KCNIP4: variants seen among roughly 807,000 people sequenced by gnomAD.
KCNIP4 encodes the protein Kv channel-interacting protein 4.
In KCNIP4, 12 loss-of-function variants were observed where a neutral mutation model predicts 34.0. The observed-to-expected ratio is 0.35, with a 90% CI of 0.23 to 0.57. KCNIP4 has a LOEUF of 0.57. KCNIP4 is among the 20% of genes least tolerant of loss of function. The pLI, the probability that KCNIP4 is intolerant of heterozygous loss-of-function variation, is 0.83. For missense variants in KCNIP4, 238 were observed against 311.7 expected (o/e 0.76, Z 1.78); for synonymous variants, 124 against 102.2 (o/e 1.21, Z -1.29).
In KCNIP4 at chr4:20,992,410, G is replaced by A. The variant is rs188793020; in HGVS notation, c.62-109701C>T. Among the ~76,000 whole-genome samples, 765 of 152,190 alleles carry A rather than the reference G, an allele frequency of 5.0e-3. 4 individuals carry two copies. The highest frequency in any genetic ancestry group is 9.2e-3 in the Admixed American group (141 of 15,282). On this transcript the variant is annotated intron_variant, in intron 1 of 8. Coordinates refer to ENST00000382152, the MANE Select transcript of KCNIP4 (RefSeq NM_025221.6). ...GATCCAATTACCTCCACCTGGTCCCGCCCTTGACATGTGGGGATTATGGAA... is the reference window on the plus strand; with the variant it reads ...GATCCAATTACCTCCACCTGGTCCCACCCTTGACATGTGGGGATTATGGAA...
chr4:21,178,121 T>C (rs973744505), intron 1 of KCNIP4, among the ~76,000 whole-genome samples: 11 of 152,154 alleles, frequency 7.2e-5, no homozygotes, highest in Non-Finnish European at 1.3e-4. Context: ...CACTATCATT[T>C]CTATCTTCAT....
At chr4:21,216,708 C>T (rs572938598) in intron 1 of KCNIP4, among the ~76,000 whole-genome samples, 5 of 152,254 alleles carry the variant, frequency 3.3e-5, no homozygotes, top group African/African-American at 1.2e-4. Context: ...CCAGAGGAGT[C>T]ACCATGCTAT....
At chr4:21,856,647 C>A (rs1363835259) in intron 1 of KCNIP4, among the ~76,000 whole-genome samples, 1 of 152,044 alleles carries the variant, frequency 6.6e-6, no homozygotes, top group Non-Finnish European at 1.5e-5. Flanking sequence ...CCTTCCCGGG[C>A]ACACCTACAG....
At chr4:21,009,797 T>C (rs1738910676) in intron 1 of KCNIP4, among the ~76,000 whole-genome samples, 1 of 152,232 alleles carries the variant, frequency 6.6e-6, no homozygotes, top group Non-Finnish European at 1.5e-5. Context: ...CAGGCACGCA[T>C]TCTGAAAAGA....
In KCNIP4 at chr4:20,731,729, T is replaced by C. The variant is rs565519221; in HGVS notation, c.705+277A>G. On this transcript the variant is annotated intron_variant, in intron 8 of 8. Coordinates refer to ENST00000382152, the MANE Select transcript of KCNIP4 (RefSeq NM_025221.6). ...AATCTCATGTATGTTTTATCCTCCA[T>C]GAATACTCTCTAAGGAATTTGGGAA... 9 of 985,406 alleles carry C rather than the reference T, an allele frequency of 9.1e-6. No individual in the cohort carries two copies. In the African/African-American group the frequency reaches 1.6e-4, roughly 17 times the overall value. 61.0% of individuals were successfully genotyped at this position (985,406 alleles called of 1,614,324 possible).
intron 1 of KCNIP4, among the ~76,000 whole-genome samples, chr4:21,031,347 C>T (rs547834336): frequency 1.3e-5 from 2 of 152,212 alleles, no homozygotes; most frequent in South Asian, 2.1e-4. Context: ...ATTTTTGTAC[C>T]CATTTTTGTG....
intron 3 of KCNIP4, among the ~76,000 whole-genome samples, chr4:20,824,356 T>A (rs2149448759): frequency 6.6e-6 from 1 of 152,326 alleles, no homozygotes; most frequent in South Asian, 2.1e-4. Flanking sequence ...TTAGCCTGGT[T>A]TAGAATGACA....
At position 21,878,024 on chromosome 4, in the gene KCNIP4, T is replaced by C. The variant is rs530587446; in HGVS notation, c.61+70547A>G. Among the ~76,000 whole-genome samples the C allele has an allele frequency of 3.3e-5, 5 of 152,250 alleles. 1 individual carries two copies. The South Asian group carries it at 1.0e-3, about 32-fold the overall frequency. On this transcript the variant is annotated intron_variant, in intron 1 of 8. Transcript: ENST00000382152. Reference sequence around the variant, plus strand: ...AGGCCCATGGAAACTTACACTTTTGTATGTGTGTGTTTTGGGTGTTTGTTT... The same window carrying C: ...AGGCCCATGGAAACTTACACTTTTGCATGTGTGTGTTTTGGGTGTTTGTTT...
chr4:20,955,303 C>T (rs1733184062), intron 1 of KCNIP4, among the ~76,000 whole-genome samples: 1 of 152,184 alleles, frequency 6.6e-6, no homozygotes. Flanking sequence ...GCGCTTTTCC[C>T]TCAAACAGCT....
At chr4:20,756,576 G>A (rs1261098872) in intron 4 of KCNIP4, among the ~76,000 whole-genome samples, 3 of 151,950 alleles carry the variant, frequency 2.0e-5, no homozygotes, top group Non-Finnish European at 4.4e-5. Context: ...TGTAAGTGCT[G>A]TCTCTATTGG....
At chr4:21,839,790 A>G (rs1295944029) in intron 1 of KCNIP4, among the ~76,000 whole-genome samples, 1 of 152,134 alleles carries the variant, frequency 6.6e-6, no homozygotes, top group Non-Finnish European at 1.5e-5. Context: ...CTTTTCTATA[A>G]GTACTTTCTC....
intron 1 of KCNIP4, among the ~76,000 whole-genome samples, chr4:21,335,971 T>A (rs1395857871): frequency 6.6e-6 from 1 of 152,176 alleles, no homozygotes; most frequent in Non-Finnish European, 1.5e-5. Flanking sequence ...ATTTCTGCAC[T>A]TAAGCATGAC....
chr4:21,916,710 G>C (rs1487136762), intron 1 of KCNIP4, among the ~76,000 whole-genome samples: 1 of 152,210 alleles, frequency 6.6e-6, no homozygotes, highest in East Asian at 1.9e-4. Context: ...CTGGGAAAAA[G>C]CTGGGCTTTG....
At chr4:21,807,524 C>T (rs112002068) in intron 1 of KCNIP4, among the ~76,000 whole-genome samples, 1 of 152,158 alleles carries the variant, frequency 6.6e-6, no homozygotes, top group African/African-American at 2.4e-5. Flanking sequence ...AATCAATACA[C>T]GTTAATGGCT....
intron 1 of KCNIP4, among the ~76,000 whole-genome samples, chr4:21,937,368 T>G (rs963130562): frequency 5.3e-5 from 8 of 152,044 alleles, no homozygotes; most frequent in African/African-American, 1.9e-4. Flanking sequence ...ATCTCACCTT[T>G]CCATTCCCAC....
At chr4:21,668,686 C>T (rs1460561595) in intron 1 of KCNIP4, among the ~76,000 whole-genome samples, 3 of 152,060 alleles carry the variant, frequency 2.0e-5, no homozygotes, top group Non-Finnish European at 2.9e-5. Context: ...TGATAATCCA[C>T]AAAAGTATTC....
intron 1 of KCNIP4, among the ~76,000 whole-genome samples, chr4:21,794,811 G>C (rs778290014): frequency 6.6e-6 from 1 of 152,066 alleles, no homozygotes; most frequent in Non-Finnish European, 1.5e-5. Flanking sequence ...CCAGGGAGGC[G>C]GAGGTTGCAG....
intron 1 of KCNIP4, among the ~76,000 whole-genome samples, chr4:21,369,332 C>T (rs1020921418): frequency 4.1e-5 from 6 of 147,290 alleles, no homozygotes; most frequent in Non-Finnish European, 8.8e-5. Context: ...AGATATATTT[C>T]TTGCCCTCTA....
intron 1 of KCNIP4, among the ~76,000 whole-genome samples, chr4:21,372,456 G>C (rs904450642): frequency 6.8e-6 from 1 of 146,538 alleles, no homozygotes; most frequent in Non-Finnish European, 1.5e-5. Flanking sequence ...GTGTGTATGT[G>C]TGTGTATACA....
Sources: allele counts gnomAD v4.1 joint callset (sites outside exome capture counted in the v4.1 genomes callset), GRCh38; gene constraint gnomAD v4.1.1; transcripts MANE v1.5; gene names NCBI Gene and HGNC (gene_info 2026-07-23, HGNC 2026-07-21).